TRAF2: variants seen among roughly 807,000 people sequenced by gnomAD.
TRAF2 encodes TNF receptor-associated factor 2.
Under a neutral mutation model 55.6 loss-of-function variants are expected in TRAF2, and 6 were observed. That is an observed-to-expected ratio of 0.11 (90% confidence interval 0.06 to 0.21). The LOEUF is 0.21. Among genes scored for constraint, TRAF2 ranks in the 10% least tolerant of loss-of-function variants. The pLI is 1.00. For missense variants in TRAF2, 561 were observed against 684.5 expected (o/e 0.82, Z 2.01); for synonymous variants, 329 against 276.3 (o/e 1.19, Z -1.89).
At chr9:136,890,053 C>T (rs565349380) in intron 1 of TRAF2, among the ~76,000 whole-genome samples, 31 of 138,018 alleles carry the variant, frequency 2.2e-4, no homozygotes, top group African/African-American at 8.3e-4. Flanking sequence ...CCCGCACGCT[C>T]GTTCAGCCGG....
intron 1 of TRAF2, among the ~76,000 whole-genome samples, chr9:136,896,010 A>T (rs1303497096): frequency 1.3e-5 from 2 of 151,858 alleles, no homozygotes; most frequent in East Asian, 3.9e-4. Context: ...CCTCCTGGGG[A>T]TCTCAGCCGA....
At chr9:136,909,037 CA>C (rs10597975) in intron 5 of TRAF2, among the ~76,000 whole-genome samples, 9,038 of 147,010 alleles carry the variant, frequency 0.061, 294 homozygotes, top group Admixed American at 0.094. Flanking sequence ...GACTCTGTCT[CA>C]AAAAAAAAAA....
At chr9:136,902,795 G>A (rs868244349) in intron 4 of TRAF2, among the ~76,000 whole-genome samples, 1 of 152,160 alleles carries the variant, frequency 6.6e-6, no homozygotes, top group Non-Finnish European at 1.5e-5. Flanking sequence ...TTTGCTCTCC[G>A]GGTGCTCGGA....
chr9:136,920,773 G>A (rs1308124470), intron 8 of TRAF2, among the ~76,000 whole-genome samples: 1 of 152,198 alleles, frequency 6.6e-6, no homozygotes, highest in Admixed American at 6.5e-5. Context: ...TGATGGGAGG[G>A]CAGAGTCAGC....
chr9:136,912,675 G>GA (rs1035267733), intron 6 of TRAF2, among the ~76,000 whole-genome samples: 26 of 151,972 alleles, frequency 1.7e-4, no homozygotes, highest in African/African-American at 6.0e-4. Context: ...CGTCTCTACT[G>GA]AAAATACAAA....
At chr9:136,883,825 ATTTTT>A (rs766805439), upstream of TRAF2, among the ~76,000 whole-genome samples, 2 of 119,254 alleles carry the variant, frequency 1.7e-5, no homozygotes, top group Non-Finnish European at 1.8e-5. Flanking sequence ...CCTTTTGTGT[ATTTTT>A]TTTTTTTTTT....
intron 7 of TRAF2, among the ~76,000 whole-genome samples, chr9:136,918,696 T>A (rs1413011969): frequency 6.6e-6 from 1 of 152,176 alleles, no homozygotes; most frequent in Non-Finnish European, 1.5e-5. Context: ...GTTTTCACCT[T>A]CCCCTGTGGG....
At chr9:136,913,593 G>A (rs913580018) in intron 6 of TRAF2, among the ~76,000 whole-genome samples, 5 of 151,982 alleles carry the variant, frequency 3.3e-5, no homozygotes, top group South Asian at 2.1e-4. Context: ...CACCGTGCCC[G>A]GCTACATACT....
chr9:136,909,122 C>T (rs926436555), intron 5 of TRAF2, among the ~76,000 whole-genome samples: 8 of 152,158 alleles, frequency 5.3e-5, no homozygotes, highest in African/African-American at 1.9e-4. Flanking sequence ...AGTCTAAATG[C>T]ATCAGGTAGA....
intron 6 of TRAF2, among the ~76,000 whole-genome samples, chr9:136,915,513 T>C (rs1850219827): frequency 6.6e-6 from 1 of 152,120 alleles, no homozygotes; most frequent in African/African-American, 2.4e-5. Context: ...CATTTTTTAT[T>C]GACACAGCGT....
chr9:136,922,231 CTCTT>C (rs1412614886), intron 9 of TRAF2, among the ~76,000 whole-genome samples: 3 of 152,236 alleles, frequency 2.0e-5, no homozygotes, highest in Admixed American at 6.5e-5. Flanking sequence ...AAAACTCACA[CTCTT>C]TCTTCTCTGA....
At chr9:136,889,148 A>G (rs1343709350) in intron 1 of TRAF2, among the ~76,000 whole-genome samples, 1 of 150,638 alleles carries the variant, frequency 6.6e-6, no homozygotes, top group African/African-American at 2.5e-5. Context: ...GGTGTGAGCC[A>G]CCACTGAGGG....
At chr9:136,888,847 A>T (rs1037333125) in intron 1 of TRAF2, among the ~76,000 whole-genome samples, 2 of 152,148 alleles carry the variant, frequency 1.3e-5, no homozygotes, top group African/African-American at 4.8e-5. Context: ...GCTCGGCCCT[A>T]CCAGCAACAA....
intron 7 of TRAF2, among the ~76,000 whole-genome samples, chr9:136,917,266 C>T (rs919336950): frequency 6.6e-6 from 1 of 152,220 alleles, no homozygotes; most frequent in African/African-American, 2.4e-5. Flanking sequence ...TGGCCTGCTC[C>T]TGTGATCTTT....
chr9:136,892,969 C>T (rs896752856), intron 1 of TRAF2, among the ~76,000 whole-genome samples: 1 of 152,182 alleles, frequency 6.6e-6, no homozygotes, highest in South Asian at 2.1e-4. Context: ...ACTCAGAATG[C>T]CTCTTATGAA....
In TRAF2 at chr9:136,909,987, G is replaced by A. The variant is rs199507094; in HGVS notation, c.596G>A (p.Arg199Gln). Residue 199 changes from arginine to glutamine, a missense_variant, in exon 6 of 11, where the codon CGG (arginine) becomes CAG (glutamine). By Grantham distance (43) the Arg-to-Gln change is conservative (BLOSUM62 1). Transcript: ENST00000247668. ...CDGCGKKKIP[R>Q]EKFQDHVKTC... ...GGCTGCGGCAAGAAGAAGATCCCCCGGGAGAAGGTGAGTGTCCTTCACCTC... is the reference window on the plus strand; with the variant it reads ...GGCTGCGGCAAGAAGAAGATCCCCCAGGAGAAGGTGAGTGTCCTTCACCTC... 56 of 1,613,828 alleles carry A rather than the reference G, an allele frequency of 3.5e-5. No individual in the cohort carries two copies. Among genetic ancestry groups the A allele is most frequent in the Non-Finnish European group, 2.3e-5 (27 of 1,179,902 alleles).
intron 1 of TRAF2, among the ~76,000 whole-genome samples, chr9:136,889,148 A>T (rs1343709350): frequency 6.6e-6 from 1 of 150,638 alleles, no homozygotes; most frequent in African/African-American, 2.5e-5. Flanking sequence ...GGTGTGAGCC[A>T]CCACTGAGGG....
rs751086869 is a variant in TRAF2, at chr9:136,909,927, A to G, written c.536A>G (p.His179Arg). ...PCCGADVKAH[H>R]EVCPKFPLTC... ...TGATCCCTTCTTTTGAAGGCGCACC[A>G]CGAGGTCTGCCCCAAGTTCCCCTTA... Residue 179 changes from histidine (H) to arginine (R), a missense_variant, in exon 6 of 11, where the codon CAC becomes CGC. By Grantham distance (29) the His-to-Arg change is conservative. Transcript: ENST00000247668. 1.9e-6 allele frequency: 3 copies of G among 1,614,150 alleles called. No homozygotes were observed. The Admixed American group carries it at 5.0e-5, about 27-fold the overall frequency.
At chr9:136,917,398 G>T (rs561844697) in intron 7 of TRAF2, among the ~76,000 whole-genome samples, 2 of 152,202 alleles carry the variant, frequency 1.3e-5, no homozygotes, top group African/African-American at 4.8e-5. Context: ...GGTCTCTCCA[G>T]GTGGACCCCC....
Sources: allele counts gnomAD v4.1 joint callset (sites outside exome capture counted in the v4.1 genomes callset), GRCh38; gene constraint gnomAD v4.1.1; transcripts MANE v1.5; gene names NCBI Gene and HGNC (gene_info 2026-07-23, HGNC 2026-07-21).